MDGA2: variants seen among roughly 807,000 people sequenced by gnomAD.
MDGA2 encodes the protein MAM domain-containing glycosylphosphatidylinositol anchor protein 2.
A neutral mutation model predicts 117.8 loss-of-function variants in MDGA2; 40 were observed. That is an observed-to-expected ratio of 0.34 (90% CI 0.26 to 0.44). MDGA2 has a LOEUF of 0.44. Among genes scored for constraint, MDGA2 ranks in the 20% least tolerant of loss-of-function variants. The pLI, the probability that MDGA2 is intolerant of heterozygous loss-of-function variation, is 1.00. For synonymous variants in MDGA2, 452 were observed against 439.0 expected (o/e 1.03, Z -0.37); for missense variants, 1,123 against 1,250.6 (o/e 0.90, Z 1.54).
intron 5 of MDGA2, among the ~76,000 whole-genome samples, chr14:47,120,804 G>C (rs923980209): frequency 3.9e-5 from 6 of 152,052 alleles, no homozygotes; most frequent in African/African-American, 1.2e-4. Context: ...CAATGGACTG[G>C]ATACACTATC....
chr14:47,594,491 T>C (rs1896499088), intron 1 of MDGA2, among the ~76,000 whole-genome samples: 1 of 152,206 alleles, frequency 6.6e-6, no homozygotes, highest in Non-Finnish European at 1.5e-5. Flanking sequence ...TGGAAAGGTA[T>C]AATAAATTAA....
At position 46,929,354 on chromosome 14, in the gene MDGA2, T is replaced by C. The variant is rs187755321; in HGVS notation, c.2090-9194A>G. Among the ~76,000 whole-genome samples the C allele has an allele frequency of 4.0e-5, 6 of 151,784 alleles. No homozygotes were observed. In the South Asian group the frequency reaches 6.2e-4, roughly 16 times the overall value. ...ATTTGAATGATGTATATTTAACATT[T>C]ATGTTACATCAAACCCCTAAAAAGG... On this transcript the variant is annotated intron_variant, in intron 9 of 16. Transcript: ENST00000399232.
At chr14:47,366,142 T>A (rs934358003) in intron 1 of MDGA2, among the ~76,000 whole-genome samples, 24 of 152,118 alleles carry the variant, frequency 1.6e-4, no homozygotes, top group African/African-American at 5.6e-4. Context: ...GCAAGAAAAA[T>A]TCAAGCGTTC....
intron 1 of MDGA2, among the ~76,000 whole-genome samples, chr14:47,484,993 T>C (rs1011472976): frequency 6.6e-6 from 1 of 152,110 alleles, no homozygotes; most frequent in Non-Finnish European, 1.5e-5. Context: ...AACAGACTAA[T>C]ACAGTAAATT....
chr14:47,150,377 T>C (rs1484419080), intron 3 of MDGA2, among the ~76,000 whole-genome samples: 2 of 152,224 alleles, frequency 1.3e-5, no homozygotes, highest in Non-Finnish European at 2.9e-5. Flanking sequence ...AATCTCTTTG[T>C]ATTTTGCCAA....
At chr14:47,155,019 C>G (rs1361291626) in intron 3 of MDGA2, among the ~76,000 whole-genome samples, 1 of 152,186 alleles carries the variant, frequency 6.6e-6, no homozygotes, top group East Asian at 1.9e-4. Flanking sequence ...CTCAGCCAGA[C>G]TGGGACAGAC....
chr14:47,055,474 A>G (rs1889642064), intron 7 of MDGA2, among the ~76,000 whole-genome samples: 1 of 152,102 alleles, frequency 6.6e-6, no homozygotes, highest in Non-Finnish European at 1.5e-5. Context: ...CAATAACATT[A>G]TTCTGTGTGC....
intron 3 of MDGA2, among the ~76,000 whole-genome samples, chr14:47,151,721 T>G (rs1219498049): frequency 6.6e-6 from 1 of 151,850 alleles, no homozygotes; most frequent in Non-Finnish European, 1.5e-5. Context: ...GGGCCAAAAT[T>G]CTTCACATAT....
At chr14:47,164,456 C>G (rs1883777135) in intron 3 of MDGA2, among the ~76,000 whole-genome samples, 1 of 152,304 alleles carries the variant, frequency 6.6e-6, no homozygotes, top group Middle Eastern at 3.4e-3. Flanking sequence ...TGAACAGACA[C>G]TTCTCAAAAG....
chr14:47,475,230 A>G (rs923226567), intron 1 of MDGA2, among the ~76,000 whole-genome samples: 3 of 152,126 alleles, frequency 2.0e-5, no homozygotes, highest in Admixed American at 6.6e-5. Context: ...TTGAAGGTCA[A>G]CTTCACTCAT....
At chr14:47,018,732 T>TAAAAAAAA (rs1888170628) in intron 8 of MDGA2, among the ~76,000 whole-genome samples, 1 of 19,362 alleles carries the variant, frequency 5.2e-5, no homozygotes, top group Non-Finnish European at 1.1e-4. Context: ...GCCATTTTAC[T>TAAAAAAAA]GAAAAAAAAA....
chr14:47,167,192 A>G (rs1187912083), intron 3 of MDGA2, among the ~76,000 whole-genome samples: 1 of 151,940 alleles, frequency 6.6e-6, no homozygotes, highest in African/African-American at 2.4e-5. Flanking sequence ...GGTCCAGACT[A>G]TTATTGCTGA....
At chr14:47,439,097 C>T (rs1892951446) in intron 1 of MDGA2, among the ~76,000 whole-genome samples, 1 of 151,954 alleles carries the variant, frequency 6.6e-6, no homozygotes, top group African/African-American at 2.4e-5. Flanking sequence ...CTGTAATAAA[C>T]TGCAGTAGTG....
Position 46,951,049 on chromosome 14 carries a change from T to C in MDGA2, c.2089+6325A>G, listed in dbSNP as rs550504891. ...TTTTAATTTCTTTATATACTGAACA[T>C]GGAGAAACTGGTAGTTCCAATATGT... On this transcript the variant is annotated intron_variant, in intron 9 of 16. Transcript: ENST00000399232. Among the ~76,000 whole-genome samples, 4 of 152,036 alleles carry C rather than the reference T, an allele frequency of 2.6e-5. No individual in the cohort carries two copies. In the South Asian group the frequency reaches 8.3e-4, roughly 32 times the overall value.
At chr14:47,242,464 G>A (rs1038070023) in intron 2 of MDGA2, among the ~76,000 whole-genome samples, 1 of 151,832 alleles carries the variant, frequency 6.6e-6, no homozygotes, top group African/African-American at 2.4e-5. Flanking sequence ...AGCGGGAACC[G>A]GGGCTGCGTG....
At chr14:46,948,169 G>C (rs1466361986) in intron 9 of MDGA2, among the ~76,000 whole-genome samples, 1 of 151,700 alleles carries the variant, frequency 6.6e-6, no homozygotes, top group African/African-American at 2.4e-5. Context: ...TGCTTTCTTT[G>C]AGGATGAAAT....
At chr14:47,214,853 T>C (rs1263531393) in intron 3 of MDGA2, among the ~76,000 whole-genome samples, 1 of 152,126 alleles carries the variant, frequency 6.6e-6, no homozygotes, top group Admixed American at 6.6e-5. Context: ...AGACTACTGA[T>C]GCATTACATT....
intron 5 of MDGA2, among the ~76,000 whole-genome samples, chr14:47,125,522 C>T (rs72680204): frequency 0.042 from 6,375 of 150,958 alleles, 252 homozygotes; most frequent in Non-Finnish European, 0.055. Flanking sequence ...GAAACAAAGA[C>T]GTTTCTTGAC....
At chr14:46,944,259 G>T (rs1489562844) in intron 9 of MDGA2, among the ~76,000 whole-genome samples, 1 of 151,880 alleles carries the variant, frequency 6.6e-6, no homozygotes. Context: ...TAAATTGACA[G>T]TATTTTCAAA....
Sources: gnomAD v4.1 joint callset for allele counts (sites outside exome capture counted in the v4.1 genomes callset) on GRCh38, gnomAD v4.1.1 for gene constraint, MANE v1.5 for transcripts, NCBI Gene and HGNC (gene_info 2026-07-23, HGNC 2026-07-21) for gene names.